PLXDC2: variants seen among roughly 807,000 people sequenced by gnomAD.
PLXDC2 encodes the protein plexin domain-containing protein 2.
A neutral mutation model predicts 68.9 loss-of-function variants in PLXDC2; 40 were observed. That is an observed-to-expected ratio of 0.58 (90% confidence interval 0.45 to 0.76). The LOEUF is 0.76. Ranked by LOEUF, PLXDC2 falls within the 30% of genes least tolerant of loss-of-function variation. The pLI is 0.00. For missense variants in PLXDC2, 644 were observed against 661.9 expected (o/e 0.97, Z 0.30); for synonymous variants, 243 against 234.2 (o/e 1.04, Z -0.34).
At chr10:19,907,946 ACCAGC>A (rs1260522301) in intron 1 of PLXDC2, among the ~76,000 whole-genome samples, 1 of 152,210 alleles carries the variant, frequency 6.6e-6, no homozygotes, top group South Asian at 2.1e-4. Flanking sequence ...CCACATGGGC[ACCAGC>A]TACTGAATCT....
chr10:19,981,415 C>T (rs1834547248), intron 1 of PLXDC2, among the ~76,000 whole-genome samples: 1 of 152,162 alleles, frequency 6.6e-6, no homozygotes, highest in African/African-American at 2.4e-5. Context: ...GTTGTACATG[C>T]TTTTGTCTTT....
At chr10:19,887,064 G>A (rs978866566) in intron 1 of PLXDC2, among the ~76,000 whole-genome samples, 1 of 152,116 alleles carries the variant, frequency 6.6e-6, no homozygotes, top group Non-Finnish European at 1.5e-5. Context: ...GACACCTACA[G>A]GTTCCCAGAA....
intron 1 of PLXDC2, among the ~76,000 whole-genome samples, chr10:19,993,786 T>C (rs576606879): frequency 1.3e-5 from 2 of 152,318 alleles, no homozygotes; most frequent in South Asian, 2.1e-4. Flanking sequence ...TTTATATATA[T>C]ATTTTTTAAA....
intron 1 of PLXDC2, among the ~76,000 whole-genome samples, chr10:19,883,533 G>C (rs1489188275): frequency 6.6e-6 from 1 of 151,976 alleles, no homozygotes; most frequent in Non-Finnish European, 1.5e-5. Flanking sequence ...TATAATGGTT[G>C]ACCTCAAATG....
intron 1 of PLXDC2, among the ~76,000 whole-genome samples, chr10:19,828,078 C>G (rs549578213): frequency 6.6e-6 from 1 of 152,190 alleles, no homozygotes; most frequent in Non-Finnish European, 1.5e-5. Context: ...GGAACTATCA[C>G]GATGGAGGAG....
chr10:19,905,184 TTAC>T (rs1247904403), intron 1 of PLXDC2, among the ~76,000 whole-genome samples: 2 of 152,216 alleles, frequency 1.3e-5, no homozygotes, highest in Admixed American at 1.3e-4. Flanking sequence ...TGAGCACAGT[TTAC>T]TTTTCTCTTT....
chr10:20,133,879 C>T (rs1833900833), intron 4 of PLXDC2, among the ~76,000 whole-genome samples: 1 of 152,098 alleles, frequency 6.6e-6, no homozygotes, highest in Admixed American at 6.5e-5. Flanking sequence ...TTCCTGTAGG[C>T]TTTCTTTACT....
chr10:20,122,765 C>A (rs950652172), intron 4 of PLXDC2, among the ~76,000 whole-genome samples: 2 of 152,120 alleles, frequency 1.3e-5, no homozygotes, highest in African/African-American at 4.8e-5. Context: ...CTATTGTACA[C>A]CTTGAAGGCG....
chr10:19,847,289 C>T (rs953353897), intron 1 of PLXDC2, among the ~76,000 whole-genome samples: 3 of 152,086 alleles, frequency 2.0e-5, no homozygotes, highest in Non-Finnish European at 4.4e-5. Flanking sequence ...GAGAAAAGTC[C>T]AGATGATTCC....
intron 4 of PLXDC2, among the ~76,000 whole-genome samples, chr10:20,083,272 G>C (rs1836607271): frequency 6.6e-6 from 1 of 151,846 alleles, no homozygotes; most frequent in Non-Finnish European, 1.5e-5. Context: ...TCAGGAGATT[G>C]ACACCATCCT....
At chr10:20,075,629 G>A (rs1476875232) in intron 4 of PLXDC2, among the ~76,000 whole-genome samples, 3 of 152,128 alleles carry the variant, frequency 2.0e-5, no homozygotes, top group African/African-American at 7.2e-5. Flanking sequence ...GCCAGTAGGA[G>A]ACCCAGAGAG....
At chr10:20,237,773 T>A (rs2131885097) in intron 12 of PLXDC2, among the ~76,000 whole-genome samples, 1 of 152,310 alleles carries the variant, frequency 6.6e-6, no homozygotes, top group East Asian at 1.9e-4. Context: ...TTGAGCAAAT[T>A]TGTGCATGAC....
At chr10:20,209,670 T>G (rs1483350355) in intron 9 of PLXDC2, among the ~76,000 whole-genome samples, 1 of 152,158 alleles carries the variant, frequency 6.6e-6, no homozygotes, top group African/African-American at 2.4e-5. Flanking sequence ...AACATTGCTG[T>G]TATCCTGTTC....
In PLXDC2 at chr10:20,268,310, C is replaced by G. The variant is rs149893256; in HGVS notation, c.1474-11393C>G. On this transcript the variant is annotated intron_variant, in intron 13 of 13. Coordinates refer to ENST00000377252, the MANE Select transcript of PLXDC2 (RefSeq NM_032812.9). ...TTAAAAACATACACCATTTTGGATA[C>G]TCATTTTTCAATGTAGGACCTTAAA... 6.3e-4 allele frequency among the ~76,000 whole-genome samples: 96 copies of G among 152,198 alleles called. 1 individual carries two copies. Among genetic ancestry groups the G allele is most frequent in the African/African-American group, 2.3e-3 (94 of 41,518 alleles).
At chr10:20,157,903 C>T (rs1017793943) in intron 6 of PLXDC2, among the ~76,000 whole-genome samples, 1 of 152,082 alleles carries the variant, frequency 6.6e-6, no homozygotes, top group African/African-American at 2.4e-5. Context: ...AGTGTGAAAG[C>T]TCCTTTTATT....
intron 1 of PLXDC2, among the ~76,000 whole-genome samples, chr10:19,834,305 C>T (rs889560707): frequency 6.6e-6 from 1 of 151,054 alleles, no homozygotes; most frequent in African/African-American, 2.4e-5. Context: ...AAGAACAGCA[C>T]AAAATCACAG....
intron 6 of PLXDC2, among the ~76,000 whole-genome samples, chr10:20,157,908 T>G (rs1468729257): frequency 2.0e-5 from 3 of 152,168 alleles, no homozygotes; most frequent in African/African-American, 7.2e-5. Context: ...GAAAGCTCCT[T>G]TTATTTCTAT....
At chr10:19,889,346 T>G (rs1837905647) in intron 1 of PLXDC2, among the ~76,000 whole-genome samples, 2 of 152,150 alleles carry the variant, frequency 1.3e-5, no homozygotes, top group South Asian at 4.1e-4. Flanking sequence ...GTGAATTAAC[T>G]CATTCAAGCC....
chr10:20,043,329 G>A (rs1025680633), intron 2 of PLXDC2: 3 of 152,136 alleles, frequency 2.0e-5, no homozygotes, highest in Non-Finnish European at 4.4e-5. Context: ...TTTTTGGCAG[G>A]TCTGATTTAA....
Sources: allele counts gnomAD v4.1 joint callset (sites outside exome capture counted in the v4.1 genomes callset), GRCh38; gene constraint gnomAD v4.1.1; transcripts MANE v1.5; gene names NCBI Gene and HGNC (gene_info 2026-07-23, HGNC 2026-07-21).